KAT2B: variants seen among roughly 807,000 people sequenced by gnomAD.
KAT2B encodes histone acetyltransferase KAT2B.
KAT2B carries 36 observed loss-of-function variants against 105.9 expected under a neutral mutation model. That is an observed-to-expected ratio of 0.34 (90% CI 0.26 to 0.45). The LOEUF is 0.45. Ranked by LOEUF, KAT2B falls within the 20% of genes least tolerant of loss-of-function variation. The probability of loss-of-function intolerance (pLI) is 1.00; values close to 1 mark genes in which losing one functional copy is unlikely to be tolerated. For synonymous variants in KAT2B, 397 were observed against 377.9 expected (o/e 1.05, Z -0.59); for missense variants, 820 against 1,021.6 (o/e 0.80, Z 2.69).
intron 17 of KAT2B, among the ~76,000 whole-genome samples, chr3:20,149,630 A>G (rs1191786758): frequency 6.6e-6 from 1 of 151,946 alleles, no homozygotes; most frequent in Non-Finnish European, 1.5e-5. Context: ...TTTCACATGA[A>G]TATTTTATAT....
chr3:20,063,243 A>G (rs1454303936), intron 1 of KAT2B, among the ~76,000 whole-genome samples: 1 of 151,656 alleles, frequency 6.6e-6, no homozygotes, highest in African/African-American at 2.4e-5. Context: ...AATTTTTAAA[A>G]TTTTTGTAGA....
chr3:20,052,755 G>A (rs1697937117), intron 1 of KAT2B, among the ~76,000 whole-genome samples: 1 of 152,016 alleles, frequency 6.6e-6, no homozygotes, highest in Non-Finnish European at 1.5e-5. Context: ...ATCACCTGAG[G>A]TCGGGAGTTT....
intron 2 of KAT2B, among the ~76,000 whole-genome samples, chr3:20,075,170 A>G (rs1354435318): frequency 6.6e-6 from 1 of 152,144 alleles, no homozygotes. Flanking sequence ...AGGCTGAGGC[A>G]GGAGAATTGC....
In KAT2B at chr3:20,071,698, A is replaced by G. The variant is rs138659274; in HGVS notation, c.304-635A>G. 1.3e-3 allele frequency among the ~76,000 whole-genome samples: 199 copies of G among 152,324 alleles called. 1 individual carries two copies. Among genetic ancestry groups the G allele is most frequent in the African/African-American group, 4.7e-3 (194 of 41,574 alleles). ...CTTTCTATCAAGTGTTGCTAAAATA[A>G]TGGTGTTCTAGTACAGGAAACCTGG... On this transcript the variant is annotated intron_variant, in intron 1 of 17. Transcript: ENST00000263754.
In KAT2B at chr3:20,040,680, G is replaced by A; in HGVS notation, c.203G>A (p.Gly68Glu). ...GCAGCGGGCACGGCCGAAGGACCGG[G>A]AGGCGGTGGCTCGGCCCGAATCGCC... ...VAAAGTAEGP[G>E]GGGSARIAVK... The change falls in exon 1 of 18, where the codon GGA (glycine) becomes GAA (glutamate). Residue 68 changes from glycine to glutamate, a missense_variant. Gly to Glu is a moderately conservative substitution (Grantham distance 98). Transcript: ENST00000263754. 1 of 1,565,832 alleles carries A rather than the reference G, an allele frequency of 6.4e-7. No individual in the cohort carries two copies.
At chr3:20,062,202 T>TATAA (rs1300995799) in intron 1 of KAT2B, among the ~76,000 whole-genome samples, 4,970 of 52,274 alleles carry the variant, frequency 0.095, 499 homozygotes, top group Non-Finnish European at 0.12. Context: ...TATATATATT[T>TATAA]TATATAAAAT....
chr3:20,088,167 G>C (rs1376171401), intron 2 of KAT2B, among the ~76,000 whole-genome samples: 4 of 152,106 alleles, frequency 2.6e-5, no homozygotes, highest in African/African-American at 7.2e-5. Context: ...TGGACACTTA[G>C]GTAAATTCCA....
chr3:20,152,055 C>T (rs1699877758), intron 17 of KAT2B, among the ~76,000 whole-genome samples: 1 of 152,116 alleles, frequency 6.6e-6, no homozygotes, highest in African/African-American at 2.4e-5. Context: ...ATCTACTTAG[C>T]TTCCTTGTGC....
rs947205473 is a variant in KAT2B at position 20,118,305 on chromosome 3, G to T, written c.1151-1293G>T. The stretch of plus-strand genomic sequence containing the variant: ...ATAAATAAATAATTATTTATATATA[G>T]GTATATATATTTTCTCCTAAATTTG... On this transcript the variant is annotated intron_variant, in intron 7 of 17. Transcript: ENST00000263754. 1.0e-3 allele frequency among the ~76,000 whole-genome samples: 145 copies of T among 139,120 alleles called. 1 individual carries two copies. Among genetic ancestry groups the T allele is most frequent in the Non-Finnish European group, 7.1e-4 (46 of 64,724 alleles). The allele number at this position is 139,120 out of a possible 152,430, so 91.3% of individuals were successfully genotyped here.
chr3:20,105,203 G>C (rs1002020970), intron 5 of KAT2B, among the ~76,000 whole-genome samples: 1 of 152,118 alleles, frequency 6.6e-6, no homozygotes. Flanking sequence ...TGTTACATAA[G>C]TGTATGTTAA....
chr3:20,062,223 TA>T lies in KAT2B; in HGVS notation c.304-10105del, dbSNP rs1172149763. Among the ~76,000 whole-genome samples the T allele has an allele frequency of 3.5e-4, 21 of 60,026 alleles. 1 individual carries two copies. The highest frequency in any genetic ancestry group is 2.6e-3 in the East Asian group (5 of 1,902). The allele number at this position is 60,026 out of a possible 152,430, so 39.4% of individuals were successfully genotyped here. A position where few individuals can be genotyped will look rare whatever the true frequency, so the allele number is the denominator to read the frequency against. On this transcript the variant is annotated intron_variant, in intron 1 of 17. Coordinates refer to ENST00000263754, the MANE Select transcript of KAT2B (RefSeq NM_003884.5). ...TATTTTATATAAAATATATTATATATAAAAATATATATAAAATATATAATAT... is the reference window on the plus strand; with the variant it reads ...TATTTTATATAAAATATATTATATATAAAATATATATAAAATATATAATAT...
chr3:20,103,516 T>C (rs934798702), intron 5 of KAT2B, among the ~76,000 whole-genome samples: 5 of 152,094 alleles, frequency 3.3e-5, no homozygotes, highest in African/African-American at 1.2e-4. Flanking sequence ...CTCAAGCAAT[T>C]CATCTATCTC....
At chr3:20,041,272 G>A (rs1697714765) in intron 1 of KAT2B, among the ~76,000 whole-genome samples, 1 of 152,090 alleles carries the variant, frequency 6.6e-6, no homozygotes. Flanking sequence ...GGCGCTTTGG[G>A]AAAGCGAAGG....
chr3:20,113,497 T>G (rs1699156132), intron 6 of KAT2B, among the ~76,000 whole-genome samples: 1 of 152,250 alleles, frequency 6.6e-6, no homozygotes, highest in Non-Finnish European at 1.5e-5. Context: ...TCTGGCATGC[T>G]TATGCTAGGA....
chr3:20,082,122 C>T (rs1477111438), intron 2 of KAT2B, among the ~76,000 whole-genome samples: 1 of 152,184 alleles, frequency 6.6e-6, no homozygotes, highest in African/African-American at 2.4e-5. Context: ...GCAGCCTCCA[C>T]CTCCTGGGTT....
chr3:20,091,599 C>G (rs1255225142), intron 2 of KAT2B, among the ~76,000 whole-genome samples: 1 of 151,938 alleles, frequency 6.6e-6, no homozygotes, highest in Non-Finnish European at 1.5e-5. Flanking sequence ...CATTTGAGAT[C>G]TTTTTTCTTT....
chr3:20,086,867 C>G (rs1698627685), intron 2 of KAT2B, among the ~76,000 whole-genome samples: 1 of 98,714 alleles, frequency 1.0e-5, no homozygotes, highest in Non-Finnish European at 1.9e-5. Context: ...CCACAACCTC[C>G]ACCTCCTGGA....
At chr3:20,041,332 TGTG>T (rs1370452102) in intron 1 of KAT2B, among the ~76,000 whole-genome samples, 2 of 151,942 alleles carry the variant, frequency 1.3e-5, no homozygotes, top group Admixed American at 6.6e-5. Flanking sequence ...GCGAGGGTCT[TGTG>T]GTGCCTGGCG....
chr3:20,078,467 G>C (rs1698458909), intron 2 of KAT2B, among the ~76,000 whole-genome samples: 1 of 151,744 alleles, frequency 6.6e-6, no homozygotes, highest in Non-Finnish European at 1.5e-5. Flanking sequence ...CCCCCTCTTG[G>C]GCTCAAGCGA....
Sources: allele counts gnomAD v4.1 joint callset (sites outside exome capture counted in the v4.1 genomes callset), GRCh38; gene constraint gnomAD v4.1.1; transcripts MANE v1.5; gene names NCBI Gene and HGNC (gene_info 2026-07-23, HGNC 2026-07-21).